The following CSMD1 variants were observed in gnomAD, a reference collection of about 807,000 sequenced individuals.
CSMD1 encodes the protein CUB and Sushi multiple domains 1, also known as CUB and sushi domain-containing protein 1.
Under a neutral mutation model 417.5 loss-of-function variants are expected in CSMD1, and 213 were observed. That is an observed-to-expected ratio of 0.51 (90% CI 0.46 to 0.57). The LOEUF (loss-of-function observed/expected upper bound fraction) is 0.57. CSMD1 is among the 20% of genes least tolerant of loss of function. The pLI is 0.00. For missense variants in CSMD1, 6,923 were observed against 4,529.7 expected (o/e 1.53, Z -15.17); for synonymous variants, 2,862 against 1,736.8 (o/e 1.65, Z -16.11).
intron 2 of CSMD1, among the ~76,000 whole-genome samples, chr8:4,527,849 A>G (rs1377569414): frequency 2.6e-5 from 4 of 152,202 alleles, no homozygotes; most frequent in African/African-American, 9.6e-5. Context: ...GTGTCTTTAA[A>G]TGGAATGACG....
At chr8:4,110,352 G>T (rs1289826657) in intron 3 of CSMD1, among the ~76,000 whole-genome samples, 1 of 152,058 alleles carries the variant, frequency 6.6e-6, no homozygotes, top group East Asian at 1.9e-4. Context: ...TTCAGCCTAT[G>T]GATATGTATG....
intron 5 of CSMD1, among the ~76,000 whole-genome samples, chr8:3,819,537 C>T (rs1435753977): frequency 4.3e-5 from 2 of 46,944 alleles, no homozygotes; most frequent in Non-Finnish European, 8.6e-5. Flanking sequence ...GATTTCTACA[C>T]ACACACACAC....
At chr8:4,689,935 C>T (rs1451500304) in intron 1 of CSMD1, among the ~76,000 whole-genome samples, 5 of 152,154 alleles carry the variant, frequency 3.3e-5, no homozygotes, top group Non-Finnish European at 7.4e-5. Context: ...AATGTTATCA[C>T]TTTCTCCCCT....
chr8:4,340,057 T>C (rs898602892), intron 3 of CSMD1, among the ~76,000 whole-genome samples: 4 of 152,064 alleles, frequency 2.6e-5, no homozygotes, highest in Non-Finnish European at 4.4e-5. Flanking sequence ...CCGTATGTTT[T>C]AGGACTGACT....
chr8:4,399,267 G>A (rs1190375236), intron 3 of CSMD1, among the ~76,000 whole-genome samples: 1 of 152,076 alleles, frequency 6.6e-6, no homozygotes, highest in Non-Finnish European at 1.5e-5. Context: ...CACAAAAACA[G>A]CAACAAAGGA....
At chr8:4,760,854 C>T (rs1017700081) in intron 1 of CSMD1, among the ~76,000 whole-genome samples, 1 of 152,062 alleles carries the variant, frequency 6.6e-6, no homozygotes, top group Admixed American at 6.6e-5. Flanking sequence ...ATCATAATGC[C>T]TGTAATATAC....
chr8:3,185,300 G>T (rs1052265398), intron 36 of CSMD1, among the ~76,000 whole-genome samples: 1 of 152,178 alleles, frequency 6.6e-6, no homozygotes. Context: ...TCCAAAAACT[G>T]AAATTAATAA....
At chr8:4,121,310 C>G (rs1180047608) in intron 3 of CSMD1, among the ~76,000 whole-genome samples, 1 of 151,856 alleles carries the variant, frequency 6.6e-6, no homozygotes, top group Admixed American at 6.6e-5. Context: ...AGACACCGTT[C>G]CACCATGTTG....
chr8:4,224,162 A>C (rs956183776), intron 3 of CSMD1, among the ~76,000 whole-genome samples: 4 of 152,172 alleles, frequency 2.6e-5, no homozygotes, highest in African/African-American at 7.2e-5. Flanking sequence ...TACTACACAT[A>C]ATCACAAAAC....
intron 5 of CSMD1, among the ~76,000 whole-genome samples, chr8:3,845,059 G>C (rs1011528306): frequency 6.6e-5 from 10 of 152,152 alleles, no homozygotes; most frequent in African/African-American, 9.7e-5. Flanking sequence ...CCTGTGATTA[G>C]ACTTTCATAT....
intron 5 of CSMD1, among the ~76,000 whole-genome samples, chr8:3,840,572 T>C (rs1279615010): frequency 1.3e-5 from 2 of 152,178 alleles, no homozygotes; most frequent in African/African-American, 2.4e-5. Flanking sequence ...TGCCTCCTTA[T>C]TTCAAGTTAA....
chr8:2,961,242 AG>A (rs1362387769), intron 61 of CSMD1, 28 bp from the exon 62 acceptor site: 2 of 1,428,610 alleles, frequency 1.4e-6, no homozygotes, highest in Non-Finnish European at 2.0e-6. Context: ...AAAAGAAAAG[AG>A]GGCACCAGAT....
intron 1 of CSMD1, among the ~76,000 whole-genome samples, chr8:4,691,606 G>A (rs960075066): frequency 6.6e-6 from 1 of 152,116 alleles, no homozygotes; most frequent in African/African-American, 2.4e-5. Flanking sequence ...AGGAACTGTG[G>A]CAAAAATTAT....
chr8:4,949,362 G>C (rs1339249412), intron 1 of CSMD1, among the ~76,000 whole-genome samples: 2 of 152,128 alleles, frequency 1.3e-5, no homozygotes, highest in Admixed American at 6.6e-5. Context: ...ATTTGTAAAT[G>C]TTTGTGTAAA....
intron 1 of CSMD1, among the ~76,000 whole-genome samples, chr8:4,654,198 T>C (rs1804082467): frequency 6.6e-6 from 1 of 152,098 alleles, no homozygotes; most frequent in Non-Finnish European, 1.5e-5. Flanking sequence ...TCTGGAGTAG[T>C]CTGGATCTAG....
At chr8:3,989,693 G>C (rs1225849044) in intron 5 of CSMD1, among the ~76,000 whole-genome samples, 1 of 152,206 alleles carries the variant, frequency 6.6e-6, no homozygotes, top group Non-Finnish European at 1.5e-5. Context: ...ACTCTAAAGA[G>C]ATTCGAATCA....
chr8:3,047,281 C>A (rs73488442), intron 50 of CSMD1, among the ~76,000 whole-genome samples: 1 of 151,542 alleles, frequency 6.6e-6, no homozygotes, highest in East Asian at 1.9e-4. Flanking sequence ...GCCAAGTTCT[C>A]GCCCCAGCCA....
intron 2 of CSMD1, among the ~76,000 whole-genome samples, chr8:4,599,390 T>C (rs1169894018): frequency 2.6e-5 from 4 of 151,928 alleles, no homozygotes; most frequent in Admixed American, 6.6e-5. Flanking sequence ...TAAAGATCTG[T>C]TGAGAATGCA....
At chr8:3,838,382 G>A (rs972767743) in intron 5 of CSMD1, among the ~76,000 whole-genome samples, 50 of 144,804 alleles carry the variant, frequency 3.5e-4, no homozygotes, top group African/African-American at 1.3e-3. Context: ...CTATATATAC[G>A]CACTATATAT....
Sources: allele counts gnomAD v4.1 joint callset (sites outside exome capture counted in the v4.1 genomes callset), GRCh38; gene constraint gnomAD v4.1.1; transcripts MANE v1.5; gene names NCBI Gene and HGNC (gene_info 2026-07-23, HGNC 2026-07-21).